ZNF678: variants seen among roughly 807,000 people sequenced by gnomAD.
ZNF678 encodes the protein hypothetical protein MGC42493.
ZNF678 carries 5 observed loss-of-function variants against 3.0 expected under a neutral mutation model. The ratio of observed to expected loss-of-function variants is 1.69; its 90% CI spans 0.88 to 3.56. ZNF678 has a LOEUF of 3.56. Among genes scored for constraint, ZNF678 ranks in the 30% most tolerant of loss-of-function variants. The pLI is 0.00. For missense variants in ZNF678, 593 were observed against 605.0 expected, an observed-to-expected ratio of 0.98 and a Z score of 0.21; for synonymous variants, 218 against 199.6, an observed-to-expected ratio of 1.09 and a Z score of -0.78.
intron 1 of ZNF678, among the ~76,000 whole-genome samples, chr1:227,631,425 G>C (rs1490262311): frequency 6.6e-6 from 1 of 152,108 alleles, no homozygotes; most frequent in East Asian, 1.9e-4. Context: ...TTCTAGAGTT[G>C]GGCTGTGTTC....
At chr1:227,568,331 A>G (rs1656749644) in intron 1 of ZNF678, among the ~76,000 whole-genome samples, 1 of 151,036 alleles carries the variant, frequency 6.6e-6, no homozygotes, top group African/African-American at 2.4e-5. Context: ...TTTTACCACT[A>G]AAGAGAATTG....
At chr1:227,668,461 G>C (rs1403140317) in intron 5 of ZNF678, among the ~76,000 whole-genome samples, 1 of 152,126 alleles carries the variant, frequency 6.6e-6, no homozygotes, top group Non-Finnish European at 1.5e-5. Flanking sequence ...ACACATATAT[G>C]GTCCATCATT....
intron 1 of ZNF678, among the ~76,000 whole-genome samples, chr1:227,605,305 A>C (rs1469835439): frequency 6.6e-6 from 1 of 152,240 alleles, no homozygotes; most frequent in Non-Finnish European, 1.5e-5. Flanking sequence ...CATAGTCTGC[A>C]ACATTGCTAA....
intron 1 of ZNF678, among the ~76,000 whole-genome samples, chr1:227,607,559 A>T (rs955837669): frequency 2.0e-5 from 3 of 151,958 alleles, no homozygotes; most frequent in Non-Finnish European, 4.4e-5. Context: ...GTAAAGAATG[A>T]TATCAGTGGT....
At chr1:227,617,544 G>A (rs1017483740) in intron 1 of ZNF678, among the ~76,000 whole-genome samples, 4 of 152,236 alleles carry the variant, frequency 2.6e-5, no homozygotes, top group South Asian at 2.1e-4. Flanking sequence ...ACCCCTTTCT[G>A]GGATATCCCT....
chr1:227,658,303 G>A lies in ZNF678; in HGVS notation c.*2475G>A, dbSNP rs905469024. On this transcript the variant is annotated 3_prime_UTR_variant, in exon 4 of 4. Transcript: ENST00000343776. Reference sequence around the variant, plus strand: ...CATATAAATGAGGTGAACAAACACAGGAAAGTGCTAGGTTTCCTGGGGGTA... The same window carrying A: ...CATATAAATGAGGTGAACAAACACAAGAAAGTGCTAGGTTTCCTGGGGGTA... 3.3e-5 allele frequency: 5 copies of A among 152,100 alleles called. No homozygotes were observed. Among genetic ancestry groups the A allele is most frequent in the East Asian group, 3.9e-4 (2 of 5,178 alleles). 9.4% of individuals were successfully genotyped at this position (152,100 alleles called of 1,614,324 possible). A position where few individuals can be genotyped will look rare whatever the true frequency, so the allele number is the denominator to read the frequency against.
intron 1 of ZNF678, among the ~76,000 whole-genome samples, chr1:227,566,056 C>T (rs533281729): frequency 3.0e-4 from 46 of 152,140 alleles, no homozygotes; most frequent in African/African-American, 9.9e-4. Context: ...CCACCGCGCC[C>T]GGCTCCTCAG....
At chr1:227,583,390 C>T (rs1365345521) in intron 1 of ZNF678, among the ~76,000 whole-genome samples, 8 of 113,594 alleles carry the variant, frequency 7.0e-5, no homozygotes, top group African/African-American at 7.1e-5. Context: ...CTTGCCTTGT[C>T]GCCCAGGCTG....
intron 1 of ZNF678, among the ~76,000 whole-genome samples, chr1:227,640,897 G>A (rs539291184): frequency 3.2e-4 from 49 of 152,204 alleles, no homozygotes; most frequent in Non-Finnish European, 6.0e-4. Context: ...CATCACTGCT[G>A]CCTTTTTCCT....
At chr1:227,670,268 G>A (rs978956236) in intron 5 of ZNF678, among the ~76,000 whole-genome samples, 2 of 152,114 alleles carry the variant, frequency 1.3e-5, no homozygotes, top group Non-Finnish European at 2.9e-5. Flanking sequence ...TGTATCCCCC[G>A]ATTTAATAAA....
At chr1:227,613,088 T>C (rs1658059024) in intron 1 of ZNF678, among the ~76,000 whole-genome samples, 2 of 152,148 alleles carry the variant, frequency 1.3e-5, no homozygotes, top group Non-Finnish European at 2.9e-5. Flanking sequence ...AAAGTATGAA[T>C]GGGCTGATGA....
intron 1 of ZNF678, among the ~76,000 whole-genome samples, chr1:227,593,865 C>G (rs113617801): frequency 2.8e-4 from 33 of 117,176 alleles, no homozygotes; most frequent in East Asian, 1.1e-3. Context: ...TCCCCCCCCC[C>G]CCTTTTTTTT....
At chr1:227,674,748 G>A (rs564397924) in intron 5 of ZNF678, among the ~76,000 whole-genome samples, 7 of 151,740 alleles carry the variant, frequency 4.6e-5, no homozygotes, top group African/African-American at 9.7e-5. Flanking sequence ...GATTACAGGC[G>A]CCTGCCATCA....
At chr1:227,602,076 T>C (rs1240200699) in intron 1 of ZNF678, among the ~76,000 whole-genome samples, 2 of 152,190 alleles carry the variant, frequency 1.3e-5, no homozygotes, top group Non-Finnish European at 2.9e-5. Flanking sequence ...TCTTGCTTAA[T>C]GTTCTGGCCA....
At position 227,655,469 on chromosome 1, in the gene ZNF678, T is replaced by A; in HGVS notation, c.1219T>A (p.Cys407Ser). 6.2e-7 allele frequency: 1 copy of A among 1,612,444 alleles called. No individual in the cohort carries two copies. The highest frequency in any genetic ancestry group is 8.5e-7 in the Non-Finnish European group (1 of 1,179,238). The change falls in exon 4 of 4, where the codon TGT (cysteine) becomes AGT (serine). Residue 407 changes from cysteine (C) to serine (S), a missense_variant. By Grantham distance (112) the Cys-to-Ser change is moderately radical (BLOSUM62 -1). Transcript: ENST00000343776. ...RIHTGVKPYK[C>S]EECGKVFKQC... is the part of the protein sequence containing the mutation. The stretch of plus-strand genomic sequence containing the variant: ...TCATACTGGAGTGAAACCCTACAAA[T>A]GTGAAGAATGTGGGAAAGTTTTTAA...
intron 3 of ZNF678, among the ~76,000 whole-genome samples, chr1:227,654,042 G>A (rs7539151): frequency 0.22 from 33,391 of 151,970 alleles, 4,049 homozygotes; most frequent in East Asian, 0.44. Flanking sequence ...CTGTATTGGG[G>A]TGGAAGAAAG....
At chr1:227,617,614 A>G (rs541092928) in intron 1 of ZNF678, among the ~76,000 whole-genome samples, 1 of 152,332 alleles carries the variant, frequency 6.6e-6, no homozygotes, top group South Asian at 2.1e-4. Context: ...CTACCTCATT[A>G]TGCACTTTGC....
intron 1 of ZNF678, chr1:227,598,540 T>C (rs1418491453): frequency 1.2e-5 from 14 of 1,121,356 alleles, no homozygotes; most frequent in Middle Eastern, 3.1e-4. Context: ...TCACTGCTTT[T>C]CTTCTTTTTT....
At chr1:227,603,841 T>A (rs1291252637) in intron 1 of ZNF678, among the ~76,000 whole-genome samples, 1 of 152,234 alleles carries the variant, frequency 6.6e-6, no homozygotes, top group African/African-American at 2.4e-5. Flanking sequence ...AATTTGAGGC[T>A]ACTTCTCATT....
Sources: allele counts gnomAD v4.1 joint callset (sites outside exome capture counted in the v4.1 genomes callset), GRCh38; gene constraint gnomAD v4.1.1; transcripts MANE v1.5; gene names NCBI Gene and HGNC (gene_info 2026-07-23, HGNC 2026-07-21).